Variants in MGAT4C observed in about 807,000 individuals in gnomAD.
MGAT4C encodes alpha-1,3-mannosyl-glycoprotein 4-beta-N-acetylglucosaminyltransferase C.
In MGAT4C, 19 loss-of-function variants were observed where a neutral mutation model predicts 40.1. The ratio of observed to expected loss-of-function variants is 0.47; its 90% CI spans 0.33 to 0.70. MGAT4C has a LOEUF of 0.70. Among genes scored for constraint, MGAT4C ranks in the 30% least tolerant of loss-of-function variants. The pLI, the probability that MGAT4C is intolerant of heterozygous loss-of-function variation, is 0.02. For missense variants in MGAT4C, 491 were observed against 563.2 expected, an observed-to-expected ratio of 0.87 and a Z score of 1.30; for synonymous variants, 181 against 187.1, an observed-to-expected ratio of 0.97 and a Z score of 0.27.
At chr12:86,641,162 T>A (rs1431484934) in intron 2 of MGAT4C, among the ~76,000 whole-genome samples, 2 of 151,542 alleles carry the variant, frequency 1.3e-5, no homozygotes, top group African/African-American at 4.8e-5. Context: ...AATGTGGCAC[T>A]TATACACCAT....
intron 1 of MGAT4C, among the ~76,000 whole-genome samples, chr12:86,162,368 C>T (rs752060865): frequency 6.6e-6 from 1 of 152,030 alleles, no homozygotes; most frequent in African/African-American, 2.4e-5. Context: ...CTGGAGGCCA[C>T]AATCTTAAGC....
chr12:86,364,158 C>A (rs530974554), intron 3 of MGAT4C, among the ~76,000 whole-genome samples: 4 of 151,946 alleles, frequency 2.6e-5, no homozygotes, highest in Non-Finnish European at 5.9e-5. Flanking sequence ...AGTAATCCTA[C>A]AGAACCTCTT....
chr12:86,138,120 C>T (rs1474767094), intron 1 of MGAT4C, among the ~76,000 whole-genome samples: 1 of 152,010 alleles, frequency 6.6e-6, no homozygotes, highest in Non-Finnish European at 1.5e-5. Flanking sequence ...TGATTAAATA[C>T]TCCACTCTAT....
chr12:86,662,394 G>T (rs545116504), intron 2 of MGAT4C, among the ~76,000 whole-genome samples: 1 of 152,282 alleles, frequency 6.6e-6, no homozygotes, highest in African/African-American at 2.4e-5. Flanking sequence ...ATAACTTGAA[G>T]AATAATCTCC....
Position 85,960,611 on chromosome 12 carries a change from C to G in MGAT4C, c.*18678G>C, listed in dbSNP as rs1052894521. On this transcript the variant is annotated 3_prime_UTR_variant, in exon 5 of 5. Transcript: ENST00000611864. ...TGGCCTGTGTCCCACCCATTATTCA[C>G]ATATAGAATGGGTTGCATTATCCTC... 6.6e-6 allele frequency: 1 copy of G among 151,950 alleles called. No individual in the cohort carries two copies. Among genetic ancestry groups the G allele is most frequent in the Non-Finnish European group, 1.5e-5 (1 of 67,890 alleles). The allele number at this position is 151,950 out of a possible 1,614,324, so 9.4% of individuals were successfully genotyped here.
chr12:86,200,147 T>TTTTTTTTG (rs1949993958), intron 1 of MGAT4C, among the ~76,000 whole-genome samples: 1 of 139,502 alleles, frequency 7.2e-6, no homozygotes, highest in African/African-American at 2.8e-5. Context: ...TTTTTTTTTT[T>TTTTTTTTG]GATCTGGCTT....
At chr12:86,224,259 G>A (rs982052309) in intron 1 of MGAT4C, among the ~76,000 whole-genome samples, 7 of 152,082 alleles carry the variant, frequency 4.6e-5, no homozygotes, top group Non-Finnish European at 8.8e-5. Context: ...ATCAGTCAAA[G>A]GGATATATCA....
intron 1 of MGAT4C, among the ~76,000 whole-genome samples, chr12:86,729,695 T>A (rs543358467): frequency 2.0e-5 from 3 of 152,216 alleles, no homozygotes; most frequent in African/African-American, 4.8e-5. Context: ...AAGGATGATA[T>A]GCATTTGAAG....
At chr12:86,616,492 G>C (rs532373122) in intron 2 of MGAT4C, among the ~76,000 whole-genome samples, 1 of 152,252 alleles carries the variant, frequency 6.6e-6, no homozygotes, top group South Asian at 2.1e-4. Context: ...GTTGACATTT[G>C]TGAGGATATT....
intron 1 of MGAT4C, among the ~76,000 whole-genome samples, chr12:86,153,065 G>A (rs749985643): frequency 1.4e-4 from 22 of 152,256 alleles, no homozygotes; most frequent in Non-Finnish European, 2.2e-4. Flanking sequence ...CACTGATTAT[G>A]AAACAAATAT....
intron 2 of MGAT4C, among the ~76,000 whole-genome samples, chr12:86,653,634 C>T (rs1963761608): frequency 1.3e-5 from 2 of 151,874 alleles, no homozygotes; most frequent in African/African-American, 4.8e-5. Flanking sequence ...AATGAACAAT[C>T]CTCTCACTTA....
intron 4 of MGAT4C, among the ~76,000 whole-genome samples, chr12:86,277,454 C>A (rs968765715): frequency 6.6e-6 from 1 of 152,110 alleles, no homozygotes; most frequent in Admixed American, 6.5e-5. Flanking sequence ...GGGCATTACT[C>A]AAGAAATCTT....
At chr12:86,393,901 C>G (rs1956201088) in intron 3 of MGAT4C, among the ~76,000 whole-genome samples, 1 of 152,176 alleles carries the variant, frequency 6.6e-6, no homozygotes, top group South Asian at 2.1e-4. Flanking sequence ...AATCGTGTCC[C>G]TCACCTTGTC....
intron 2 of MGAT4C, among the ~76,000 whole-genome samples, chr12:86,548,725 G>T (rs2136393619): frequency 6.6e-6 from 1 of 152,178 alleles, no homozygotes; most frequent in Middle Eastern, 3.4e-3. Flanking sequence ...AAATGTACAT[G>T]ATTACTAGCT....
intron 1 of MGAT4C, among the ~76,000 whole-genome samples, chr12:86,819,318 C>T (rs1224718712): frequency 6.6e-6 from 1 of 150,878 alleles, no homozygotes; most frequent in Non-Finnish European, 1.5e-5. Flanking sequence ...TCCTTTTTCT[C>T]TAAACTGTGG....
rs1883607401 is a variant in MGAT4C at position 85,971,204 on chromosome 12, A to G, written c.*8085T>C. The stretch of plus-strand genomic sequence containing the variant: ...TAAACAAATTTCACTTTCTTCTTAT[A>G]AAAGAAAATAATTTTTATGGTAACT... On this transcript the variant is annotated 3_prime_UTR_variant, in exon 5 of 5. Coordinates refer to ENST00000611864, the MANE Select transcript of MGAT4C (RefSeq NM_001351288.2). The G allele has an allele frequency of 1.3e-5, 2 of 151,286 alleles. No individual in the cohort carries two copies. 9.4% of individuals were successfully genotyped at this position (151,286 alleles called of 1,614,324 possible).
intron 3 of MGAT4C, among the ~76,000 whole-genome samples, chr12:86,432,045 A>G (rs1957049515): frequency 6.6e-6 from 1 of 152,128 alleles, no homozygotes; most frequent in Non-Finnish European, 1.5e-5. Context: ...AAGCTACCAA[A>G]GAAACAGGAA....
rs111512541 is a variant in MGAT4C, at chr12:86,525,259, C to T, written c.-228-89994G>A. Reference sequence around the variant, plus strand: ...TTAAAAGTGTTTGGCAGTTTCCCTCCCACCATCCTCTCTCTCCTACTGCCT... The same window carrying T: ...TTAAAAGTGTTTGGCAGTTTCCCTCTCACCATCCTCTCTCTCCTACTGCCT... On this transcript the variant is annotated intron_variant, in intron 2 of 7. Coordinates refer to the MGAT4C transcript ENST00000548651. Among the ~76,000 whole-genome samples, 511 of 152,232 alleles carry T rather than the reference C, an allele frequency of 3.4e-3. 1 individual carries two copies. Among genetic ancestry groups the T allele is most frequent in the African/African-American group, 0.012 (494 of 41,530 alleles).
At chr12:86,286,638 G>A (rs1033802683) in intron 4 of MGAT4C, among the ~76,000 whole-genome samples, 1 of 151,970 alleles carries the variant, frequency 6.6e-6, no homozygotes, top group Non-Finnish European at 1.5e-5. Flanking sequence ...GTGCTATATT[G>A]GTAAATTGTG....
Sources: allele counts gnomAD v4.1 joint callset (sites outside exome capture counted in the v4.1 genomes callset), GRCh38; gene constraint gnomAD v4.1.1; transcripts MANE v1.5; gene names NCBI Gene and HGNC (gene_info 2026-07-23, HGNC 2026-07-21).